The following ITPR1 variants were observed in gnomAD, a reference collection of about 807,000 sequenced individuals.
ITPR1 encodes inositol 1,4,5-trisphosphate-gated calcium channel ITPR1.
A neutral mutation model predicts 318.4 loss-of-function variants in ITPR1; 96 were observed. That is an observed-to-expected ratio of 0.30 (90% confidence interval 0.26 to 0.36). The LOEUF (loss-of-function observed/expected upper bound fraction) is 0.36. Ranked by LOEUF, ITPR1 falls within the 10% of genes least tolerant of loss-of-function variation. The pLI is 1.00. For missense variants in ITPR1, 2,440 were observed against 3,460.2 expected (o/e 0.71, Z 7.40); for synonymous variants, 1,312 against 1,289.9 (o/e 1.02, Z -0.37).
chr3:4,777,509 G>T (rs2046554120), intron 48 of ITPR1, 135 bp downstream of exon 48: 1 of 626,296 alleles, frequency 1.6e-6, no homozygotes, highest in Non-Finnish European at 2.9e-6. Flanking sequence ...GACCCAGGTT[G>T]CTAGTGCTGA....
chr3:4,568,374 G>A (rs1234809257), intron 4 of ITPR1, among the ~76,000 whole-genome samples: 1 of 152,164 alleles, frequency 6.6e-6, no homozygotes, highest in Non-Finnish European at 1.5e-5. Context: ...ACAGAGCTTT[G>A]CTGAACACCT....
At chr3:4,564,264 T>C (rs1043224265) in intron 4 of ITPR1, among the ~76,000 whole-genome samples, 14 of 152,094 alleles carry the variant, frequency 9.2e-5, no homozygotes, top group South Asian at 6.2e-4. Flanking sequence ...TCTGAAGGCA[T>C]AGGAAGAAAT....
At chr3:4,786,820 A>G (rs1444243787) in intron 51 of ITPR1, among the ~76,000 whole-genome samples, 1 of 152,178 alleles carries the variant, frequency 6.6e-6, no homozygotes, top group Non-Finnish European at 1.5e-5. Flanking sequence ...TTAAATAGGC[A>G]TGTTGGTTCA....
At chr3:4,544,418 C>T (rs892443599) in intron 4 of ITPR1, among the ~76,000 whole-genome samples, 3 of 152,150 alleles carry the variant, frequency 2.0e-5, no homozygotes, top group Admixed American at 6.5e-5. Context: ...ATGCAAGCAA[C>T]CATACGTATT....
intron 2 of ITPR1, among the ~76,000 whole-genome samples, chr3:4,505,968 A>T (rs2081366258): frequency 6.6e-6 from 1 of 152,238 alleles, no homozygotes; most frequent in Non-Finnish European, 1.5e-5. Context: ...GTAGTTTATG[A>T]GAATAGAAAA....
At chr3:4,827,911 A>T (rs1016184671) in intron 60 of ITPR1, among the ~76,000 whole-genome samples, 1 of 152,032 alleles carries the variant, frequency 6.6e-6, no homozygotes, top group African/African-American at 2.4e-5. Flanking sequence ...AGTCAATAAC[A>T]GTGCTGGTAC....
At chr3:4,548,955 T>A (rs545751337) in intron 4 of ITPR1, among the ~76,000 whole-genome samples, 4 of 152,342 alleles carry the variant, frequency 2.6e-5, no homozygotes, top group Non-Finnish European at 2.9e-5. Flanking sequence ...GGAAGGCCGA[T>A]GTGTGTTCCC....
chr3:4,506,342 T>C (rs971021932), intron 2 of ITPR1, among the ~76,000 whole-genome samples: 3 of 152,242 alleles, frequency 2.0e-5, no homozygotes, highest in Admixed American at 6.5e-5. Flanking sequence ...TTCTGCTTTA[T>C]GGCCTTTGTA....
chr3:4,781,335 T>C (rs1218341528), intron 49 of ITPR1, among the ~76,000 whole-genome samples: 1 of 152,210 alleles, frequency 6.6e-6, no homozygotes, highest in African/African-American at 2.4e-5. Context: ...TGAAGGTATT[T>C]TCTTCTTCTT....
At chr3:4,505,983 A>G (rs1167089057) in intron 2 of ITPR1, among the ~76,000 whole-genome samples, 2 of 152,226 alleles carry the variant, frequency 1.3e-5, no homozygotes, top group African/African-American at 4.8e-5. Context: ...AGAAAATAGA[A>G]CAGATTAGAA....
chr3:4,750,309 C>G (rs2044406509), intron 44 of ITPR1: 1 of 151,950 alleles, frequency 6.6e-6, no homozygotes, highest in African/African-American at 2.4e-5. Context: ...CCATGCAGAG[C>G]ACCCTTAACT....
chr3:4,836,962 C>T, intron 61 of ITPR1, 27 bp downstream of exon 61: 1 of 1,541,264 alleles, frequency 6.5e-7, no homozygotes, highest in South Asian at 1.2e-5. Flanking sequence ...CCAGCGCCTA[C>T]CCTCCCATCA....
chr3:4,805,677 G>A (rs190589570), intron 54 of ITPR1, among the ~76,000 whole-genome samples: 1 of 152,314 alleles, frequency 6.6e-6, no homozygotes, highest in East Asian at 1.9e-4. Flanking sequence ...CCACCTTACA[G>A]TGCCTAGAAT....
intron 60 of ITPR1, among the ~76,000 whole-genome samples, chr3:4,830,347 A>G (rs142599943): frequency 3.3e-5 from 5 of 152,088 alleles, no homozygotes; most frequent in African/African-American, 1.2e-4. Flanking sequence ...ACCAAAACCA[A>G]CAGATTCTGT....
At chr3:4,697,472 G>T in intron 34 of ITPR1, among the ~76,000 whole-genome samples, 200 bp downstream of exon 34, 2 of 41,486 alleles carry the variant, frequency 4.8e-5, no homozygotes, top group South Asian at 7.3e-4. Flanking sequence ...TTTTTTTTGA[G>T]CTGGAGTCTT....
Position 4,810,361 on chromosome 3 carries a change from G to A in ITPR1, c.7273-904G>A, listed in dbSNP as rs542657263. Among the ~76,000 whole-genome samples, 78 of 152,282 alleles carry A rather than the reference G, an allele frequency of 5.1e-4. No homozygotes were observed. The South Asian group carries it at 7.3e-3, about 14-fold the overall frequency. ...TTCTCCCAGTCAAGTATCTGTGACT[G>A]TAGCTCTTGGAAAACTAGCCATCAT... On this transcript the variant is annotated intron_variant, in intron 55 of 61. Coordinates refer to ENST00000649015, the MANE Select transcript of ITPR1 (RefSeq NM_001378452.1).
intron 4 of ITPR1, among the ~76,000 whole-genome samples, chr3:4,529,841 A>C (rs1197620776): frequency 6.6e-6 from 1 of 152,038 alleles, no homozygotes; most frequent in Non-Finnish European, 1.5e-5. Flanking sequence ...ACACTCATTT[A>C]TTTAATCCTC....
Position 4,675,258 on chromosome 3 carries a change from T to C in ITPR1, c.2779+10T>C, listed in dbSNP as rs1316569520. 6.2e-7 allele frequency: 1 copy of C among 1,600,730 alleles called. No homozygotes were observed. The highest frequency in any genetic ancestry group is 8.5e-7 in the Non-Finnish European group (1 of 1,173,720). On this transcript the variant is annotated intron_variant, in intron 23 of 61. Coordinates refer to ENST00000649015, the MANE Select transcript of ITPR1 (RefSeq NM_001378452.1). ...GTGGAGAAGCTGAAGAGTGAGTATC[T>C]GAGGGTGCCCATACATCTGAGAGAT...
intron 44 of ITPR1, among the ~76,000 whole-genome samples, chr3:4,753,254 G>T (rs1304889788): frequency 6.6e-6 from 1 of 152,122 alleles, no homozygotes. Flanking sequence ...TCAAGTCGGG[G>T]CTGGATGAGG....
Sources: allele counts gnomAD v4.1 joint callset (sites outside exome capture counted in the v4.1 genomes callset), GRCh38; gene constraint gnomAD v4.1.1; transcripts MANE v1.5; gene names NCBI Gene and HGNC (gene_info 2026-07-23, HGNC 2026-07-21).